Variants in CSMD1 observed in about 807,000 individuals in gnomAD.
CSMD1 encodes the protein CUB and Sushi multiple domains 1, also known as CUB and sushi domain-containing protein 1.
CSMD1 carries 213 observed loss-of-function variants against 417.5 expected under a neutral mutation model. The observed-to-expected ratio is 0.51, with a 90% CI of 0.46 to 0.57. The LOEUF (loss-of-function observed/expected upper bound fraction) is 0.57, where lower values mean the gene tolerates loss of function less well. Among genes scored for constraint, CSMD1 ranks in the 20% least tolerant of loss-of-function variants. The probability of loss-of-function intolerance (pLI) is 0.00; values close to 1 mark genes in which losing one functional copy is unlikely to be tolerated. For synonymous variants in CSMD1, 2,862 were observed against 1,736.8 expected (o/e 1.65, Z -16.11); for missense variants, 6,923 against 4,529.7 (o/e 1.53, Z -15.17).
At chr8:3,953,706 G>A (rs998518191) in intron 5 of CSMD1, among the ~76,000 whole-genome samples, 2 of 152,096 alleles carry the variant, frequency 1.3e-5, no homozygotes, top group East Asian at 1.9e-4. Flanking sequence ...GGGTGGATAG[G>A]CACGGGGACT....
intron 37 of CSMD1, among the ~76,000 whole-genome samples, chr8:3,179,901 C>A (rs540207105): frequency 6.6e-6 from 1 of 152,122 alleles, no homozygotes. Flanking sequence ...CCATAATAAG[C>A]AGGAAAATTT....
intron 1 of CSMD1, among the ~76,000 whole-genome samples, chr8:4,718,101 G>T (rs996390329): frequency 1.3e-5 from 2 of 152,026 alleles, no homozygotes; most frequent in African/African-American, 2.4e-5. Flanking sequence ...CTTCCTCAAA[G>T]TACCTGGTAT....
chr8:4,335,439 T>TAG (rs1305952656), intron 3 of CSMD1, among the ~76,000 whole-genome samples: 1 of 152,084 alleles, frequency 6.6e-6, no homozygotes. Context: ...AACTCGTTAC[T>TAG]AGAATCATTT....
intron 3 of CSMD1, among the ~76,000 whole-genome samples, chr8:4,044,979 G>T (rs1010211774): frequency 3.9e-5 from 6 of 152,220 alleles, no homozygotes; most frequent in Non-Finnish European, 8.8e-5. Flanking sequence ...GTTCACGGAG[G>T]AGTTTCTACT....
Position 3,643,700 on chromosome 8 carries a change from C to CAAAAAAAAAAAAAAAAAAA in CSMD1, c.1010-26922_1010-26904dup, listed in dbSNP as rs66500235. 1.6e-3 allele frequency among the ~76,000 whole-genome samples: 135 copies of CAAAAAAAAAAAAAAAAAAA among 85,324 alleles called. 3 individuals are homozygous for CAAAAAAAAAAAAAAAAAAA. Among genetic ancestry groups the CAAAAAAAAAAAAAAAAAAA allele is most frequent in the African/African-American group, 5.9e-3 (122 of 20,508 alleles). 56.0% of individuals were successfully genotyped at this position (85,324 alleles called of 152,430 possible). A position where few individuals can be genotyped will look rare whatever the true frequency, so the allele number is the denominator to read the frequency against. On this transcript the variant is annotated intron_variant, in intron 7 of 69. Transcript: ENST00000635120. ...TGGGCGACAGCGTGAGACTCCGTCT[C>CAAAAAAAAAAAAAAAAAAA]AAAAAAAAAAAAAAAAAAAAAAGGA...
chr8:4,216,733 AT>A (rs1563288923), intron 3 of CSMD1, among the ~76,000 whole-genome samples: 1 of 152,160 alleles, frequency 6.6e-6, no homozygotes, highest in Non-Finnish European at 1.5e-5. Flanking sequence ...ACGAATGGAG[AT>A]GTTTTAAGAC....
intron 10 of CSMD1, among the ~76,000 whole-genome samples, chr8:3,567,102 A>C (rs1384203502): frequency 6.6e-6 from 1 of 152,232 alleles, no homozygotes; most frequent in East Asian, 1.9e-4. Flanking sequence ...CCATATAAAA[A>C]GAATGAGATT....
At chr8:4,975,196 T>A (rs1273656391) in intron 1 of CSMD1, among the ~76,000 whole-genome samples, 1 of 152,228 alleles carries the variant, frequency 6.6e-6, no homozygotes, top group Non-Finnish European at 1.5e-5. Flanking sequence ...TTCACCACGG[T>A]GACTTTTCTT....
At chr8:3,585,850 C>T (rs1412219873) in intron 9 of CSMD1, among the ~76,000 whole-genome samples, 1 of 152,100 alleles carries the variant, frequency 6.6e-6, no homozygotes, top group African/African-American at 2.4e-5. Flanking sequence ...CACACACATG[C>T]ACACTGTTTG....
chr8:3,041,723 T>A (rs574570262), intron 50 of CSMD1, among the ~76,000 whole-genome samples: 1 of 152,302 alleles, frequency 6.6e-6, no homozygotes, highest in South Asian at 2.1e-4. Flanking sequence ...AGGATGCCAA[T>A]CCACTGCTAT....
At chr8:4,926,261 G>T (rs963538800) in intron 1 of CSMD1, among the ~76,000 whole-genome samples, 1 of 152,176 alleles carries the variant, frequency 6.6e-6, no homozygotes, top group African/African-American at 2.4e-5. Context: ...ATAAATGGAT[G>T]TATCACAGAG....
chr8:4,579,423 A>T (rs985216879), intron 2 of CSMD1, among the ~76,000 whole-genome samples: 3 of 151,922 alleles, frequency 2.0e-5, no homozygotes, highest in Admixed American at 6.6e-5. Context: ...CAATGGCGTG[A>T]TCTCAGCTCA....
At chr8:3,886,871 A>G (rs1210881165) in intron 5 of CSMD1, among the ~76,000 whole-genome samples, 4 of 152,180 alleles carry the variant, frequency 2.6e-5, no homozygotes, top group Admixed American at 6.5e-5. Flanking sequence ...GCTACACTAT[A>G]CTGGCTCTCG....
chr8:3,737,966 T>C (rs1796608984), intron 6 of CSMD1, among the ~76,000 whole-genome samples: 2 of 152,154 alleles, frequency 1.3e-5, no homozygotes, highest in Non-Finnish European at 2.9e-5. Context: ...AACAACTAAA[T>C]TACTTGTAAT....
chr8:3,562,289 G>C lies in CSMD1; in HGVS notation c.1344+12656C>G, dbSNP rs142131946. On this transcript the variant is annotated intron_variant, in intron 10 of 69. Transcript: ENST00000635120. Reference sequence around the variant, plus strand: ...CCACAAAACATCAACTGATGAGAGAGTTTTAGAATCTAGAAAGACTTGGGA... The same window carrying C: ...CCACAAAACATCAACTGATGAGAGACTTTTAGAATCTAGAAAGACTTGGGA... 2.3e-3 allele frequency among the ~76,000 whole-genome samples: 329 copies of C among 143,450 alleles called. 5 individuals are homozygous for C. The highest frequency in any genetic ancestry group is 0.018 in the Admixed American group (254 of 14,476). 94.1% of individuals were successfully genotyped at this position (143,450 alleles called of 152,430 possible).
intron 1 of CSMD1, among the ~76,000 whole-genome samples, chr8:4,840,795 G>C (rs1369152235): frequency 6.6e-6 from 1 of 152,054 alleles, no homozygotes; most frequent in South Asian, 2.1e-4. Flanking sequence ...TTATGCACAG[G>C]GCTTTTATAC....
At chr8:2,986,942 A>G (rs572134677) in intron 54 of CSMD1, among the ~76,000 whole-genome samples, 3 of 152,158 alleles carry the variant, frequency 2.0e-5, no homozygotes, top group Non-Finnish European at 2.9e-5. Flanking sequence ...CATCGACCTA[A>G]TAACACAAGG....
chr8:3,836,306 C>A (rs754857711), intron 5 of CSMD1, among the ~76,000 whole-genome samples: 4 of 152,238 alleles, frequency 2.6e-5, no homozygotes, highest in Admixed American at 2.0e-4. Flanking sequence ...CAAGTCAAAG[C>A]AGTTTGCCAG....
intron 5 of CSMD1, among the ~76,000 whole-genome samples, chr8:3,856,122 G>C (rs1035335448): frequency 6.6e-6 from 1 of 152,076 alleles, no homozygotes; most frequent in African/African-American, 2.4e-5. Context: ...CAGTGCTGGA[G>C]ACGGGGCTTG....
Sources: gnomAD v4.1 joint callset for allele counts (sites outside exome capture counted in the v4.1 genomes callset) on GRCh38, gnomAD v4.1.1 for gene constraint, MANE v1.5 for transcripts, NCBI Gene and HGNC (gene_info 2026-07-23, HGNC 2026-07-21) for gene names.